The following EIF3E variants were observed in gnomAD, a reference collection of about 807,000 sequenced individuals.
EIF3E encodes eukaryotic translation initiation factor 3 subunit E.
A neutral mutation model predicts 59.3 loss-of-function variants in EIF3E; 25 were observed. The observed-to-expected ratio is 0.42, with a 90% CI of 0.31 to 0.59. EIF3E has a LOEUF of 0.59. Ranked by LOEUF, EIF3E falls within the 20% of genes least tolerant of loss-of-function variation. The probability of loss-of-function intolerance (pLI) is 0.15; values close to 1 mark genes in which losing one functional copy is unlikely to be tolerated. For missense variants in EIF3E, 317 were observed against 534.3 expected, an observed-to-expected ratio of 0.59 and a Z score of 4.01; for synonymous variants, 176 against 170.2, an observed-to-expected ratio of 1.03 and a Z score of -0.26.
chr8:108,212,003 C>T (rs603889), intron 10 of EIF3E, among the ~76,000 whole-genome samples: 76,288 of 152,050 alleles, frequency 0.5, 19,201 homozygotes, highest in African/African-American at 0.58. Context: ...TATAAAAGAA[C>T]TTACAGTGAG....
chr8:108,203,907 T>C (rs538234847), intron 10 of EIF3E, among the ~76,000 whole-genome samples: 8 of 151,878 alleles, frequency 5.3e-5, no homozygotes, highest in East Asian at 1.9e-4. Context: ...CAACAAACCA[T>C]AGATAGAAAA....
intron 8 of EIF3E, among the ~76,000 whole-genome samples, chr8:108,217,095 AT>A (rs1815318831): frequency 1.3e-5 from 2 of 152,294 alleles, no homozygotes; most frequent in South Asian, 4.1e-4. Context: ...TAATGTATAT[AT>A]TAAGTGTTCA....
intron 10 of EIF3E, among the ~76,000 whole-genome samples, chr8:108,207,234 G>T (rs1815117966): frequency 6.6e-6 from 1 of 152,122 alleles, no homozygotes; most frequent in South Asian, 2.1e-4. Context: ...ACTTTGGGAG[G>T]CCGAGGCAGG....
At chr8:108,216,907 G>T (rs1025070854) in intron 8 of EIF3E, among the ~76,000 whole-genome samples, 39 of 152,176 alleles carry the variant, frequency 2.6e-4, no homozygotes, top group African/African-American at 9.4e-4. Context: ...TACGGGTTTT[G>T]CTGACAAGCT....
chr8:108,223,107 A>G (rs956761897), intron 7 of EIF3E, among the ~76,000 whole-genome samples: 7 of 152,220 alleles, frequency 4.6e-5, no homozygotes, highest in Non-Finnish European at 1.0e-4. Flanking sequence ...AACTATGCTT[A>G]CAAGTTGGGG....
At chr8:108,220,415 G>C (rs1392425514) in intron 7 of EIF3E, among the ~76,000 whole-genome samples, 1 of 152,210 alleles carries the variant, frequency 6.6e-6, no homozygotes, top group Non-Finnish European at 1.5e-5. Flanking sequence ...ACTTGGAAAT[G>C]CATCTGCTAC....
Position 108,246,595 on chromosome 8 carries a change from G to A in EIF3E, c.90+2018C>T, listed in dbSNP as rs146199750. Among the ~76,000 whole-genome samples the A allele has an allele frequency of 2.1e-3, 312 of 152,156 alleles. 1 individual carries two copies. The highest frequency in any genetic ancestry group is 7.2e-3 in the African/African-American group (299 of 41,490). On this transcript the variant is annotated intron_variant, in intron 1 of 12. Transcript: ENST00000220849. Reference sequence around the variant, plus strand: ...GGACGACAAGGGTTTGAACCACACAGGTCCACGTATACACAACTTTTTTTC... The same window carrying A: ...GGACGACAAGGGTTTGAACCACACAAGTCCACGTATACACAACTTTTTTTC...
chr8:108,224,315 T>G (rs1815479091), intron 7 of EIF3E, among the ~76,000 whole-genome samples: 1 of 151,596 alleles, frequency 6.6e-6, no homozygotes, highest in African/African-American at 2.4e-5. Flanking sequence ...CTACCTACTG[T>G]GCTATAAGAA....
At chr8:108,243,915 T>C (rs1057107566) in intron 1 of EIF3E, among the ~76,000 whole-genome samples, 7 of 152,162 alleles carry the variant, frequency 4.6e-5, no homozygotes, top group Non-Finnish European at 1.0e-4. Context: ...TAGTAACTTT[T>C]AATTTGCCAC....
intron 3 of EIF3E, among the ~76,000 whole-genome samples, chr8:108,238,648 G>GT: frequency 6.6e-6 from 1 of 152,208 alleles, no homozygotes; most frequent in South Asian, 2.1e-4. Flanking sequence ...TCACAGTATG[G>GT]TATGGTATAG....
intron 3 of EIF3E, among the ~76,000 whole-genome samples, chr8:108,237,595 A>C (rs1815757499): frequency 6.6e-6 from 1 of 152,238 alleles, no homozygotes; most frequent in South Asian, 2.1e-4. Context: ...TCTCATGAGA[A>C]GAAATATGCT....
At chr8:108,206,696 G>A (rs933131773) in intron 10 of EIF3E, among the ~76,000 whole-genome samples, 7 of 151,992 alleles carry the variant, frequency 4.6e-5, no homozygotes, top group Admixed American at 2.6e-4. Flanking sequence ...CCAGATACTC[G>A]AGAGGCTAAG....
At chr8:108,223,255 G>A (rs1297455086) in intron 7 of EIF3E, among the ~76,000 whole-genome samples, 1 of 152,100 alleles carries the variant, frequency 6.6e-6, no homozygotes, top group African/African-American at 2.4e-5. Flanking sequence ...GATAGGTTTT[G>A]GACAAGAAAG....
chr8:108,203,776 G>T (rs1391479258), intron 10 of EIF3E, among the ~76,000 whole-genome samples: 1 of 151,978 alleles, frequency 6.6e-6, no homozygotes, highest in African/African-American at 2.4e-5. Context: ...TCAGCTTCTA[G>T]AACAGTACTT....
intron 4 of EIF3E, 78 bp from the exon 5 acceptor site, chr8:108,235,180 G>C (rs1187779880): frequency 1.2e-6 from 1 of 820,614 alleles, no homozygotes; most frequent in Non-Finnish European, 1.8e-6. Context: ...AGTCTTTGAG[G>C]TCAAAACTAT....
intron 10 of EIF3E, among the ~76,000 whole-genome samples, chr8:108,212,476 G>A (rs1410158830): frequency 6.6e-6 from 1 of 152,170 alleles, no homozygotes; most frequent in Non-Finnish European, 1.5e-5. Flanking sequence ...AGATCCCTAA[G>A]ATTTCTTTCA....
chr8:108,240,911 C>T (rs1201027959), intron 2 of EIF3E, among the ~76,000 whole-genome samples: 1 of 151,684 alleles, frequency 6.6e-6, no homozygotes, highest in Non-Finnish European at 1.5e-5. Flanking sequence ...ACCCGGGAGG[C>T]GGAGCTTACA....
intron 1 of EIF3E, 141 bp downstream of exon 1, chr8:108,248,472 G>A: frequency 1.3e-6 from 1 of 745,912 alleles, no homozygotes; most frequent in Non-Finnish European, 2.3e-6. Flanking sequence ...TAAACTACCA[G>A]AAGATCCTTA....
At chr8:108,213,870 C>A (rs897348008) in intron 10 of EIF3E, among the ~76,000 whole-genome samples, 4 of 152,104 alleles carry the variant, frequency 2.6e-5, no homozygotes, top group African/African-American at 9.7e-5. Flanking sequence ...TAAAATTAGG[C>A]AAGCGAAGTA....
Sources: gnomAD v4.1 joint callset for allele counts (sites outside exome capture counted in the v4.1 genomes callset) on GRCh38, gnomAD v4.1.1 for gene constraint, MANE v1.5 for transcripts, NCBI Gene and HGNC (gene_info 2026-07-23, HGNC 2026-07-21) for gene names.